CYRIB: variants seen among roughly 807,000 people sequenced by gnomAD.
CYRIB encodes the protein CYFIP related Rac1 interactor B.
In CYRIB, 8 loss-of-function variants were observed where a neutral mutation model predicts 44.2. The ratio of observed to expected loss-of-function variants is 0.18; its 90% CI spans 0.11 to 0.33. CYRIB has a LOEUF of 0.33. Ranked by LOEUF, CYRIB falls within the 10% of genes least tolerant of loss-of-function variation. CYRIB has a pLI of 1.00. For synonymous variants in CYRIB, 131 were observed against 127.2 expected (o/e 1.03, Z -0.20); for missense variants, 185 against 382.8 (o/e 0.48, Z 4.31).
intron 1 of CYRIB, among the ~76,000 whole-genome samples, chr8:129,935,494 C>G (rs774644155): frequency 6.6e-6 from 1 of 152,188 alleles, no homozygotes; most frequent in Admixed American, 6.5e-5. Context: ...GAATCTAATG[C>G]TATCTCCGCT....
At chr8:129,923,087 T>C (rs562341885) in intron 1 of CYRIB, among the ~76,000 whole-genome samples, 2 of 124,686 alleles carry the variant, frequency 1.6e-5, no homozygotes, top group Non-Finnish European at 3.4e-5. Flanking sequence ...AAAAAAAGAA[T>C]ACAAAATTAG....
intron 1 of CYRIB, among the ~76,000 whole-genome samples, chr8:129,988,286 T>C (rs1169246670): frequency 1.3e-5 from 2 of 152,210 alleles, no homozygotes; most frequent in Non-Finnish European, 1.5e-5. Flanking sequence ...GCTATCTTGC[T>C]TCGGCACGCT....
At chr8:130,007,114 A>G (rs2097120305) in intron 1 of CYRIB, among the ~76,000 whole-genome samples, 1 of 152,192 alleles carries the variant, frequency 6.6e-6, no homozygotes, top group African/African-American at 2.4e-5. Flanking sequence ...TCTACTTACA[A>G]CCACAATTAT....
intron 1 of CYRIB, among the ~76,000 whole-genome samples, chr8:130,015,429 A>G (rs937593182): frequency 3.3e-5 from 5 of 152,204 alleles, no homozygotes; most frequent in Non-Finnish European, 5.9e-5. Flanking sequence ...ACGGGACCCT[A>G]AGACTCAGAG....
chr8:129,851,219 T>A (rs1485898692), intron 8 of CYRIB: 1 of 297,602 alleles, frequency 3.4e-6, no homozygotes, highest in African/African-American at 2.2e-5. Flanking sequence ...ATAGTTGGAT[T>A]TTATCCTAAG....
intron 2 of CYRIB, among the ~76,000 whole-genome samples, chr8:129,963,142 T>G (rs1279000169): frequency 6.6e-6 from 1 of 152,132 alleles, no homozygotes; most frequent in African/African-American, 2.4e-5. Context: ...TGACAACCAT[T>G]TTGGACCACA....
chr8:129,905,516 T>G (rs918080371), intron 1 of CYRIB, among the ~76,000 whole-genome samples: 1 of 152,186 alleles, frequency 6.6e-6, no homozygotes, highest in Non-Finnish European at 1.5e-5. Flanking sequence ...TCTCTATGAG[T>G]TAGTTCACAA....
intron 1 of CYRIB, among the ~76,000 whole-genome samples, chr8:130,014,880 G>T (rs891796723): frequency 5.3e-5 from 8 of 152,126 alleles, no homozygotes; most frequent in Non-Finnish European, 5.9e-5. Flanking sequence ...ACCTCTTCCG[G>T]GCTTCCCCCA....
chr8:129,984,840 T>C (rs1396442798), intron 1 of CYRIB, among the ~76,000 whole-genome samples: 2 of 152,144 alleles, frequency 1.3e-5, no homozygotes, highest in Non-Finnish European at 2.9e-5. Context: ...AATGGCGCGA[T>C]TTCAGCTCAC....
chr8:129,939,826 T>A (rs2093495269), exon 1 of CYRIB: 1 of 151,850 alleles, frequency 6.6e-6, no homozygotes, highest in African/African-American at 2.4e-5. Context: ...ATGTACAGGG[T>A]AACGACGGGG....
intron 1 of CYRIB, among the ~76,000 whole-genome samples, chr8:129,973,635 CCAGA>C (rs2095805105): frequency 6.6e-6 from 1 of 152,156 alleles, no homozygotes; most frequent in South Asian, 2.1e-4. Context: ...TCAGCAGTGA[CCAGA>C]CAGTGACTCA....
chr8:129,872,204 C>G (rs2057540991), intron 3 of CYRIB, among the ~76,000 whole-genome samples: 1 of 152,124 alleles, frequency 6.6e-6, no homozygotes, highest in South Asian at 2.1e-4. Context: ...CACAATTACT[C>G]AGCTGCTGAA....
chr8:129,901,023 C>T (rs2071414020), intron 2 of CYRIB, among the ~76,000 whole-genome samples: 1 of 152,246 alleles, frequency 6.6e-6, no homozygotes, highest in African/African-American at 2.4e-5. Context: ...TGAAGGCAGG[C>T]ACTCGCCAAG....
chr8:129,878,083 T>C (rs1454882984), intron 3 of CYRIB, among the ~76,000 whole-genome samples: 1 of 152,222 alleles, frequency 6.6e-6, no homozygotes, highest in Non-Finnish European at 1.5e-5. Context: ...TGGTAAATTG[T>C]TGAGAAGGGT....
chr8:129,931,997 CTTTT>C (rs1235113746), intron 1 of CYRIB, among the ~76,000 whole-genome samples: 2 of 129,412 alleles, frequency 1.5e-5, no homozygotes, highest in Admixed American at 7.9e-5. Context: ...TAAGTATCTT[CTTTT>C]TTTTTTTTTT....
intron 1 of CYRIB, among the ~76,000 whole-genome samples, chr8:129,913,583 A>G (rs1262599081): frequency 6.6e-6 from 1 of 152,268 alleles, no homozygotes; most frequent in South Asian, 2.1e-4. Context: ...AAACTTACAA[A>G]GTGGAAATTC....
intron 1 of CYRIB, among the ~76,000 whole-genome samples, chr8:129,918,986 C>A (rs1563920724): frequency 6.6e-6 from 1 of 152,180 alleles, no homozygotes; most frequent in African/African-American, 2.4e-5. Context: ...ATGAAATACT[C>A]TAAGGTGTGT....
rs150447124 is a variant in CYRIB, at chr8:129,883,447, T to C, written c.-10-3976A>G. On this transcript the variant is annotated intron_variant, in intron 2 of 11. Coordinates refer to ENST00000519824, the Ensembl canonical transcript of CYRIB. The stretch of plus-strand genomic sequence containing the variant: ...ACAGGACAGATGCTACATAGGCAGC[T>C]CATATCACAATGTCTCTTTGAACAA... Among the ~76,000 whole-genome samples the C allele has an allele frequency of 4.6e-4, 70 of 152,302 alleles. No homozygotes were observed. In the South Asian group the frequency reaches 0.01, roughly 22 times the overall value.
At chr8:129,954,862 C>T (rs1490387894) in intron 2 of CYRIB, among the ~76,000 whole-genome samples, 1 of 152,142 alleles carries the variant, frequency 6.6e-6, no homozygotes, top group Non-Finnish European at 1.5e-5. Context: ...CTGGTGTGAT[C>T]TTTCAGGGTA....
Sources: allele counts gnomAD v4.1 joint callset (sites outside exome capture counted in the v4.1 genomes callset), GRCh38; gene constraint gnomAD v4.1.1; transcripts MANE v1.5; gene names NCBI Gene and HGNC (gene_info 2026-07-23, HGNC 2026-07-21).